ELAPOR2: variants seen among roughly 807,000 people sequenced by gnomAD.
ELAPOR2 encodes endosome-lysosome associated apoptosis and autophagy regulator family member 2.
A neutral mutation model predicts 120.7 loss-of-function variants in ELAPOR2; 89 were observed. That is an observed-to-expected ratio of 0.74 (90% confidence interval 0.62 to 0.88). The LOEUF (loss-of-function observed/expected upper bound fraction) is 0.88. Ranked by LOEUF, ELAPOR2 falls within the 40% of genes least tolerant of loss-of-function variation. The pLI is 0.00. For missense variants in ELAPOR2, 1,134 were observed against 1,251.6 expected (o/e 0.91, Z 1.42); for synonymous variants, 444 against 444.9 (o/e 1.00, Z 0.03).
chr7:86,902,824 T>C (rs1788785720), intron 18 of ELAPOR2, among the ~76,000 whole-genome samples: 1 of 152,124 alleles, frequency 6.6e-6, no homozygotes, highest in South Asian at 2.1e-4. Flanking sequence ...GCTGAGTCTT[T>C]TTCCTTTTCG....
chr7:86,957,237 A>T (rs760522182), intron 2 of ELAPOR2, among the ~76,000 whole-genome samples: 1 of 152,236 alleles, frequency 6.6e-6, no homozygotes, highest in Non-Finnish European at 1.5e-5. Context: ...CAACATTCCA[A>T]ACTAAGCCTT....
chr7:87,038,471 T>C (rs1032831186), intron 1 of ELAPOR2, among the ~76,000 whole-genome samples: 13 of 151,980 alleles, frequency 8.6e-5, no homozygotes, highest in African/African-American at 2.7e-4. Flanking sequence ...AAAAGTGAAA[T>C]ACAAAAAGCT....
At chr7:87,054,925 C>T (rs1222591090) in intron 1 of ELAPOR2, among the ~76,000 whole-genome samples, 2 of 152,202 alleles carry the variant, frequency 1.3e-5, no homozygotes, top group Non-Finnish European at 2.9e-5. Flanking sequence ...TTTCCCACAA[C>T]TCCACACTCA....
At chr7:87,040,885 T>C (rs1794762963) in intron 1 of ELAPOR2, among the ~76,000 whole-genome samples, 1 of 151,924 alleles carries the variant, frequency 6.6e-6, no homozygotes, top group Admixed American at 6.6e-5. Context: ...GAAGAATGTA[T>C]AACTAGAATA....
At chr7:86,955,635 T>C (rs1791439913) in intron 2 of ELAPOR2, among the ~76,000 whole-genome samples, 1 of 152,156 alleles carries the variant, frequency 6.6e-6, no homozygotes, top group Non-Finnish European at 1.5e-5. Flanking sequence ...ATTTGAGGCA[T>C]GATTTGATCA....
At chr7:86,965,533 C>A (rs1791873173) in intron 1 of ELAPOR2, among the ~76,000 whole-genome samples, 1 of 152,148 alleles carries the variant, frequency 6.6e-6, no homozygotes, top group African/African-American at 2.4e-5. Flanking sequence ...TAAAGCAGCT[C>A]TCCCAGGCTT....
chr7:86,916,572 T>G (rs986587584), intron 12 of ELAPOR2, among the ~76,000 whole-genome samples: 2 of 152,188 alleles, frequency 1.3e-5, no homozygotes, highest in African/African-American at 4.8e-5. Flanking sequence ...TGTTGGTTCT[T>G]AAACTCTAAA....
chr7:86,981,664 A>G (rs1463212880), intron 1 of ELAPOR2, among the ~76,000 whole-genome samples: 1 of 152,222 alleles, frequency 6.6e-6, no homozygotes, highest in Non-Finnish European at 1.5e-5. Flanking sequence ...CCTTCTGGGA[A>G]TACTTACTTC....
In ELAPOR2 at chr7:86,886,233, C is replaced by T. The variant is rs181214214; in HGVS notation, c.3030+5491G>A. The stretch of plus-strand genomic sequence containing the variant: ...ACCCAGCAGTTAAGGAAAAACAGCC[C>T]AGCACTTTACTTGACTCTGCTATTG... On this transcript the variant is annotated intron_variant, in intron 21 of 21. Coordinates refer to ENST00000450689, the MANE Select transcript of ELAPOR2 (RefSeq NM_001142749.3). 1.8e-4 allele frequency among the ~76,000 whole-genome samples: 27 copies of T among 152,228 alleles called. 1 individual carries two copies. Among genetic ancestry groups the T allele is most frequent in the Admixed American group, 1.7e-3 (26 of 15,294 alleles).
intron 1 of ELAPOR2, among the ~76,000 whole-genome samples, chr7:87,034,487 T>C (rs549642886): frequency 1.3e-5 from 2 of 151,934 alleles, no homozygotes; most frequent in East Asian, 3.9e-4. Flanking sequence ...TAGAAAAAAA[T>C]GAGATCATTA....
intron 1 of ELAPOR2, among the ~76,000 whole-genome samples, chr7:87,048,858 T>G (rs1283879833): frequency 3.9e-5 from 6 of 152,330 alleles, no homozygotes; most frequent in African/African-American, 1.4e-4. Context: ...CAGTTTTCAG[T>G]GTTGTCCAGA....
chr7:86,957,470 A>C (rs1791523173), intron 2 of ELAPOR2, among the ~76,000 whole-genome samples: 1 of 152,206 alleles, frequency 6.6e-6, no homozygotes, highest in Non-Finnish European at 1.5e-5. Context: ...TGTCCATGAG[A>C]GTTTACTCTC....
At chr7:86,967,768 C>T (rs1028660749) in intron 1 of ELAPOR2, among the ~76,000 whole-genome samples, 2 of 152,220 alleles carry the variant, frequency 1.3e-5, no homozygotes, top group African/African-American at 4.8e-5. Context: ...CCTAAGACTC[C>T]TTTATCCTAT....
chr7:86,878,505 C>T lies in ELAPOR2; in HGVS notation c.*1966G>A, dbSNP rs1319428198. 6.6e-6 allele frequency: 1 copy of T among 152,120 alleles called. No individual in the cohort carries two copies. Among genetic ancestry groups the T allele is most frequent in the East Asian group, 1.9e-4 (1 of 5,204 alleles). The allele number at this position is 152,120 out of a possible 1,614,324, so 9.4% of individuals were successfully genotyped here. On this transcript the variant is annotated 3_prime_UTR_variant, in exon 22 of 22. Transcript: ENST00000450689. ...CAGTGACAGGAGAAGAAAGAAGCTA[C>T]CTGGGAGAAAATCCCAATTATCTCT...
intron 8 of ELAPOR2, among the ~76,000 whole-genome samples, chr7:86,927,445 C>A (rs1467879616): frequency 6.6e-6 from 1 of 151,860 alleles, no homozygotes; most frequent in African/African-American, 2.4e-5. Context: ...TTTTCAATAA[C>A]CTGATGTTAG....
At chr7:87,042,474 C>T (rs1794817535) in intron 1 of ELAPOR2, among the ~76,000 whole-genome samples, 2 of 151,624 alleles carry the variant, frequency 1.3e-5, no homozygotes, top group Non-Finnish European at 2.9e-5. Context: ...AACCGCTCAA[C>T]TACATGGAAA....
chr7:86,960,888 T>C (rs761194669), intron 2 of ELAPOR2, among the ~76,000 whole-genome samples: 16 of 152,248 alleles, frequency 1.1e-4, no homozygotes, highest in Non-Finnish European at 2.2e-4. Context: ...AAAAAAAAAG[T>C]CTGTATTTGA....
chr7:87,029,609 G>C (rs1794362954), intron 1 of ELAPOR2, among the ~76,000 whole-genome samples: 1 of 152,208 alleles, frequency 6.6e-6, no homozygotes, highest in African/African-American at 2.4e-5. Context: ...TTGTAGGTAA[G>C]ACAAGCAGTT....
At chr7:87,049,073 A>T (rs1224316125) in intron 1 of ELAPOR2, among the ~76,000 whole-genome samples, 1 of 152,234 alleles carries the variant, frequency 6.6e-6, no homozygotes, top group African/African-American at 2.4e-5. Flanking sequence ...TTTATTGAAC[A>T]TCTACTAAGT....
Sources: allele counts gnomAD v4.1 joint callset (sites outside exome capture counted in the v4.1 genomes callset), GRCh38; gene constraint gnomAD v4.1.1; transcripts MANE v1.5; gene names NCBI Gene and HGNC (gene_info 2026-07-23, HGNC 2026-07-21).